CAMK2D: variants seen among roughly 807,000 people sequenced by gnomAD.
The protein encoded by CAMK2D is calcium/calmodulin-dependent protein kinase type II subunit delta.
A neutral mutation model predicts 84.0 loss-of-function variants in CAMK2D; 37 were observed. That is an observed-to-expected ratio of 0.44 (90% confidence interval 0.34 to 0.58). The LOEUF (loss-of-function observed/expected upper bound fraction) is 0.58, where lower values mean the gene tolerates loss of function less well. Ranked by LOEUF, CAMK2D falls within the 20% of genes least tolerant of loss-of-function variation. The pLI, the probability that CAMK2D is intolerant of heterozygous loss-of-function variation, is 0.02. For synonymous variants in CAMK2D, 202 were observed against 212.5 expected (o/e 0.95, Z 0.43); for missense variants, 448 against 652.5 (o/e 0.69, Z 3.41).
chr4:113,749,224 G>A (rs1282745550), intron 2 of CAMK2D, among the ~76,000 whole-genome samples: 1 of 151,732 alleles, frequency 6.6e-6, no homozygotes, highest in Non-Finnish European at 1.5e-5. Context: ...TTTAGTATAT[G>A]TATTAGCACT....
Position 113,586,436 on chromosome 4 carries a change from A to C in CAMK2D, c.275+22716T>G, listed in dbSNP as rs550769799. On this transcript the variant is annotated intron_variant, in intron 4 of 20. Coordinates refer to ENST00000511664, the MANE Select transcript of CAMK2D (RefSeq NM_001321571.2). Reference sequence around the variant, plus strand: ...CTCAATTATTTGAGGAAATAAGTTAACTTTTTGGCCAAAGCTATTTTGGAT... The same window carrying C: ...CTCAATTATTTGAGGAAATAAGTTACCTTTTTGGCCAAAGCTATTTTGGAT... Among the ~76,000 whole-genome samples, 3 of 152,292 alleles carry C rather than the reference A, an allele frequency of 2.0e-5. No individual in the cohort carries two copies. The East Asian group carries it at 5.8e-4, about 29-fold the overall frequency.
chr4:113,717,995 T>A (rs2148570249), intron 2 of CAMK2D, among the ~76,000 whole-genome samples: 1 of 152,160 alleles, frequency 6.6e-6, no homozygotes, highest in East Asian at 1.9e-4. Context: ...AGACTTAAAT[T>A]TTTAAAGCAA....
chr4:113,510,259 A>ATGTT (rs1215277840), intron 12 of CAMK2D, among the ~76,000 whole-genome samples: 2 of 152,222 alleles, frequency 1.3e-5, no homozygotes, highest in African/African-American at 4.8e-5. Flanking sequence ...AATTTTTAAA[A>ATGTT]TGTTTAGCAC....
chr4:113,491,885 C>A (rs13144493), intron 16 of CAMK2D, among the ~76,000 whole-genome samples: 6,607 of 150,610 alleles, frequency 0.044, 463 homozygotes, highest in African/African-American at 0.15. Context: ...TGTATGTGTC[C>A]AGGAATTTAT....
At chr4:113,489,983 G>A (rs2097811185) in intron 16 of CAMK2D, among the ~76,000 whole-genome samples, 1 of 151,236 alleles carries the variant, frequency 6.6e-6, no homozygotes, top group Admixed American at 6.6e-5. Context: ...ACTTTTTGAT[G>A]GGGTTGTTTG....
At chr4:113,531,331 T>G (rs2098456644) in intron 7 of CAMK2D, 32 bp from the exon 8 acceptor site, 1 of 1,094,168 alleles carries the variant, frequency 9.1e-7, no homozygotes, top group East Asian at 2.4e-5. Flanking sequence ...GAGTCACAGT[T>G]GATTTGACAA....
Position 113,455,731 on chromosome 4 carries a change from C to T in CAMK2D, c.*24G>A, listed in dbSNP as rs767002825. 6.3e-7 allele frequency: 1 copy of T among 1,581,790 alleles called. No homozygotes were observed. The highest frequency in any genetic ancestry group is 2.2e-5 in the East Asian group (1 of 44,696). On this transcript the variant is annotated 3_prime_UTR_variant, in exon 20 of 21. Coordinates refer to ENST00000511664, the MANE Select transcript of CAMK2D (RefSeq NM_001321571.2). ...CGGAGCAGGATGTTACTTACAAGAC[C>T]CATATGTGAATGGTTTTCAGGCCTT... is the stretch of plus-strand genomic sequence containing the variant.
At chr4:113,622,528 G>A (rs971418145) in intron 3 of CAMK2D, among the ~76,000 whole-genome samples, 1 of 150,938 alleles carries the variant, frequency 6.6e-6, no homozygotes, top group Non-Finnish European at 1.5e-5. Context: ...GCTTTGGGAG[G>A]CTAAGGCAGA....
At chr4:113,672,792 TA>T (rs2099296200) in intron 2 of CAMK2D, among the ~76,000 whole-genome samples, 1 of 151,854 alleles carries the variant, frequency 6.6e-6, no homozygotes, top group Admixed American at 6.6e-5. Flanking sequence ...AACACACACA[TA>T]AATGAGGTTT....
chr4:113,657,391 T>C (rs1401808027), intron 3 of CAMK2D, among the ~76,000 whole-genome samples: 1 of 152,112 alleles, frequency 6.6e-6, no homozygotes, highest in Non-Finnish European at 1.5e-5. Flanking sequence ...TCATCACCAG[T>C]GCATATAGCC....
chr4:113,747,237 A>T (rs554338020), intron 2 of CAMK2D, among the ~76,000 whole-genome samples: 11 of 151,618 alleles, frequency 7.3e-5, no homozygotes, highest in African/African-American at 2.7e-4. Context: ...AGAAGTGACT[A>T]TTTCCCTACT....
chr4:113,724,648 G>A (rs772036876), intron 2 of CAMK2D, among the ~76,000 whole-genome samples: 66 of 151,248 alleles, frequency 4.4e-4, no homozygotes, highest in South Asian at 4.2e-4. Context: ...TGAAATAAGC[G>A]GCTTTTGGTT....
intron 2 of CAMK2D, among the ~76,000 whole-genome samples, chr4:113,739,506 A>C (rs2099588148): frequency 6.6e-6 from 1 of 152,166 alleles, no homozygotes; most frequent in Admixed American, 6.5e-5. Flanking sequence ...CACTCAATTA[A>C]AAGAAAAATA....
intron 2 of CAMK2D, among the ~76,000 whole-genome samples, chr4:113,666,306 G>A (rs1030587207): frequency 1.3e-5 from 2 of 152,086 alleles, no homozygotes; most frequent in African/African-American, 4.8e-5. Flanking sequence ...ACCTTGTTGG[G>A]GGGTTGGGGG....
intron 2 of CAMK2D, among the ~76,000 whole-genome samples, chr4:113,742,692 A>G (rs2148941112): frequency 6.6e-6 from 1 of 152,248 alleles, no homozygotes; most frequent in Non-Finnish European, 1.5e-5. Flanking sequence ...GGGAAAACTT[A>G]CCAAACCAAA....
intron 2 of CAMK2D, among the ~76,000 whole-genome samples, chr4:113,665,814 T>C (rs1257777651): frequency 1.3e-5 from 2 of 152,206 alleles, no homozygotes; most frequent in African/African-American, 4.8e-5. Flanking sequence ...CTGTTAGTAA[T>C]ATATGGTTGA....
At chr4:113,460,690 T>TAA (rs70961830) in intron 17 of CAMK2D, among the ~76,000 whole-genome samples, 4,613 of 144,992 alleles carry the variant, frequency 0.032, 171 homozygotes, top group Admixed American at 0.1. Context: ...ATAATAATAA[T>TAA]TATTATTATT....
intron 16 of CAMK2D, among the ~76,000 whole-genome samples, chr4:113,475,137 A>T (rs1216610057): frequency 6.6e-6 from 1 of 152,228 alleles, no homozygotes; most frequent in Admixed American, 6.5e-5. Context: ...TCATCCCTTT[A>T]TGAAAAGTAT....
intron 3 of CAMK2D, among the ~76,000 whole-genome samples, chr4:113,631,405 T>C (rs996264233): frequency 3.3e-5 from 5 of 152,178 alleles, no homozygotes; most frequent in Admixed American, 3.3e-4. Flanking sequence ...ATTATTATGT[T>C]GAAGGTGGTA....
Sources: allele counts gnomAD v4.1 joint callset (sites outside exome capture counted in the v4.1 genomes callset), GRCh38; gene constraint gnomAD v4.1.1; transcripts MANE v1.5; gene names NCBI Gene and HGNC (gene_info 2026-07-23, HGNC 2026-07-21).